ADK: variants seen among roughly 807,000 people sequenced by gnomAD.
The protein encoded by ADK is adenosine kinase, also known as N6,N6-dimethyladenosine kinase.
ADK carries 24 observed loss-of-function variants against 44.7 expected under a neutral mutation model. The observed-to-expected ratio is 0.54, with a 90% CI of 0.39 to 0.76. ADK has a LOEUF of 0.76. Among genes scored for constraint, ADK ranks in the 30% least tolerant of loss-of-function variants. The pLI is 0.00. For synonymous variants in ADK, 128 were observed against 142.6 expected (o/e 0.90, Z 0.73); for missense variants, 321 against 425.1 (o/e 0.76, Z 2.15).
intron 1 of ADK, among the ~76,000 whole-genome samples, chr10:74,185,842 G>GAAA (rs71021593): frequency 2.7e-4 from 18 of 65,812 alleles, no homozygotes; most frequent in Admixed American, 1.8e-3. Context: ...GTCTCAAAAA[G>GAAA]AAAAAAAAAA....
chr10:74,524,101 C>T (rs1439596599), intron 6 of ADK, among the ~76,000 whole-genome samples: 1 of 152,080 alleles, frequency 6.6e-6, no homozygotes, highest in Non-Finnish European at 1.5e-5. Context: ...TGTTTGTGCA[C>T]CATCCAAACT....
At chr10:74,509,734 CT>C (rs1446500831) in intron 6 of ADK, among the ~76,000 whole-genome samples, 1 of 152,076 alleles carries the variant, frequency 6.6e-6, no homozygotes, top group Non-Finnish European at 1.5e-5. Flanking sequence ...CCTATCCTTC[CT>C]TTCCCCCTAC....
At chr10:74,216,316 C>A (rs1166158765) in intron 2 of ADK, among the ~76,000 whole-genome samples, 2 of 152,006 alleles carry the variant, frequency 1.3e-5, no homozygotes, top group Admixed American at 1.3e-4. Context: ...GGTAAAATAA[C>A]AAATGTATTA....
chr10:74,438,689 C>G (rs1424802221), intron 6 of ADK, among the ~76,000 whole-genome samples: 1 of 152,112 alleles, frequency 6.6e-6, no homozygotes, highest in Non-Finnish European at 1.5e-5. Context: ...ATGGTGTTCT[C>G]TCTCTAAATT....
At chr10:74,666,012 ATAG>A (rs1854946418) in intron 9 of ADK, among the ~76,000 whole-genome samples, 1 of 152,200 alleles carries the variant, frequency 6.6e-6, no homozygotes, top group Non-Finnish European at 1.5e-5. Context: ...GCTAAAATAT[ATAG>A]TTAATTTAGT....
At chr10:74,268,979 T>C (rs570785847) in intron 3 of ADK, among the ~76,000 whole-genome samples, 10 of 152,310 alleles carry the variant, frequency 6.6e-5, no homozygotes, top group East Asian at 1.9e-4. Context: ...TAAAAGGAAG[T>C]TGGCAGCAAG....
chr10:74,394,286 G>GTGC lies in ADK; in HGVS notation c.423_425dup (p.Ala142dup). On this transcript the variant is annotated inframe_insertion, in exon 5 of 11. Coordinates refer to ENST00000539909, the MANE Select transcript of ADK (RefSeq NM_006721.4). ...CAGAATGAGCAGCCAACAGGAACTT[G>GTGC]TGCTGCATGCATCACTGGTGACAAC... 1 of 1,614,024 alleles carries GTGC rather than the reference G, an allele frequency of 6.2e-7. No individual in the cohort carries two copies. The highest frequency in any genetic ancestry group is 8.5e-7 in the Non-Finnish European group (1 of 1,179,952).
At chr10:74,563,217 C>T (rs904056747) in intron 7 of ADK, among the ~76,000 whole-genome samples, 1 of 152,172 alleles carries the variant, frequency 6.6e-6, no homozygotes, top group African/African-American at 2.4e-5. Flanking sequence ...CTTGCACCTC[C>T]ACACCTGACT....
At chr10:74,358,393 A>C (rs1024609737) in intron 4 of ADK, among the ~76,000 whole-genome samples, 1 of 152,202 alleles carries the variant, frequency 6.6e-6, no homozygotes, top group African/African-American at 2.4e-5. Context: ...GTCTGTGTCT[A>C]ATACAAAATA....
intron 4 of ADK, among the ~76,000 whole-genome samples, chr10:74,362,355 T>G (rs928318527): frequency 3.2e-5 from 4 of 126,878 alleles, no homozygotes; most frequent in Non-Finnish European, 7.0e-5. Context: ...TCTATTGAGA[T>G]TTTCGCTTCA....
intron 3 of ADK, among the ~76,000 whole-genome samples, chr10:74,298,983 G>A (rs1839910330): frequency 6.6e-6 from 1 of 152,064 alleles, no homozygotes; most frequent in African/African-American, 2.4e-5. Flanking sequence ...AGAAGATAGT[G>A]GTTTTACTTG....
At chr10:74,437,098 T>C (rs1845201279) in intron 6 of ADK, among the ~76,000 whole-genome samples, 1 of 151,850 alleles carries the variant, frequency 6.6e-6, no homozygotes, top group African/African-American at 2.4e-5. Context: ...ATAATCAAAG[T>C]GGTCATAACA....
At chr10:74,489,382 T>C (rs574226675) in intron 6 of ADK, among the ~76,000 whole-genome samples, 1 of 152,002 alleles carries the variant, frequency 6.6e-6, no homozygotes, top group Non-Finnish European at 1.5e-5. Context: ...GGATAGAACA[T>C]AGAGAAGTGA....
intron 3 of ADK, among the ~76,000 whole-genome samples, chr10:74,269,924 G>C (rs1264204310): frequency 1.3e-5 from 2 of 152,130 alleles, no homozygotes; most frequent in African/African-American, 4.8e-5. Flanking sequence ...CTTGAACCCA[G>C]GAGGTGGAAA....
At chr10:74,549,289 G>T (rs1190680987) in intron 7 of ADK, among the ~76,000 whole-genome samples, 1 of 152,196 alleles carries the variant, frequency 6.6e-6, no homozygotes, top group Non-Finnish European at 1.5e-5. Context: ...CTTAGGGATA[G>T]ATCCAATCTT....
chr10:74,627,498 C>G (rs1045223115), intron 9 of ADK, among the ~76,000 whole-genome samples: 1 of 151,016 alleles, frequency 6.6e-6, no homozygotes, highest in Non-Finnish European at 1.5e-5. Context: ...AGCTTTCTTT[C>G]GAAATGGCCT....
At chr10:74,690,377 T>C (rs1274678041) in intron 10 of ADK, among the ~76,000 whole-genome samples, 2 of 152,180 alleles carry the variant, frequency 1.3e-5, no homozygotes, top group Non-Finnish European at 2.9e-5. Context: ...ACACCTGTGG[T>C]CCGAGCTACT....
chr10:74,351,352 C>G (rs1260043068), intron 4 of ADK, among the ~76,000 whole-genome samples: 1 of 152,142 alleles, frequency 6.6e-6, no homozygotes, highest in Non-Finnish European at 1.5e-5. Context: ...CAGAGAAGTC[C>G]TTTGATAAAA....
chr10:74,562,193 A>C (rs1172796721), intron 7 of ADK, among the ~76,000 whole-genome samples: 2 of 152,256 alleles, frequency 1.3e-5, no homozygotes, highest in Non-Finnish European at 2.9e-5. Flanking sequence ...CAGGGGAAGT[A>C]GAAGGACATT....
Sources: allele counts gnomAD v4.1 joint callset (sites outside exome capture counted in the v4.1 genomes callset), GRCh38; gene constraint gnomAD v4.1.1; transcripts MANE v1.5; gene names NCBI Gene and HGNC (gene_info 2026-07-23, HGNC 2026-07-21).